Variants in M1AP observed in about 807,000 individuals in gnomAD.
M1AP encodes the protein meiosis 1 associated protein, also known as meiosis 1 arrest protein.
Under a neutral mutation model 51.2 loss-of-function variants are expected in M1AP, and 39 were observed. The ratio of observed to expected loss-of-function variants is 0.76; its 90% CI spans 0.59 to 1.00. The LOEUF is 1.00. M1AP is among the 50% of genes least tolerant of loss of function. The pLI is 0.00. For synonymous variants in M1AP, 251 were observed against 249.2 expected, an observed-to-expected ratio of 1.01 and a Z score of -0.07; for missense variants, 545 against 641.2, an observed-to-expected ratio of 0.85 and a Z score of 1.62.
chr2:74,622,998 G>A (rs568171581), intron 2 of M1AP, among the ~76,000 whole-genome samples: 1 of 148,218 alleles, frequency 6.7e-6, no homozygotes, highest in Non-Finnish European at 1.5e-5. Flanking sequence ...GTAAATGGGA[G>A]AAGCAAGCAA....
rs1212577515 is a variant in M1AP at position 74,615,126 on chromosome 2, C to T, written c.264G>A (p.Arg88=). 3 of 1,614,120 alleles carry T rather than the reference C, an allele frequency of 1.9e-6. No individual in the cohort carries two copies. The highest frequency in any genetic ancestry group is 1.3e-5 in the African/African-American group (1 of 75,046). ...GGAGTTCTGAGATGCAGGTCTGCAA[C>T]CTAGCAAAGTTCCCTTTCACTTGCT... ...PFVQVKGNFA[R]LQTCISELRM... is the part of the protein sequence containing the mutation. Residue 88 remains arginine, a synonymous_variant, in exon 3 of 11, where the codon AGG becomes AGA. Coordinates refer to ENST00000421985, the MANE Select transcript of M1AP (RefSeq NM_001321739.2).
intron 2 of M1AP, among the ~76,000 whole-genome samples, chr2:74,625,239 C>A (rs891921855): frequency 1.3e-5 from 2 of 152,028 alleles, no homozygotes; most frequent in Non-Finnish European, 2.9e-5. Flanking sequence ...CTGTGTATAT[C>A]CATCCTCATT....
intron 2 of M1AP, among the ~76,000 whole-genome samples, chr2:74,626,168 C>A (rs1384483493): frequency 6.6e-6 from 1 of 151,890 alleles, no homozygotes; most frequent in Non-Finnish European, 1.5e-5. Context: ...TCCTTAGGAT[C>A]TCTCCCTTAG....
chr2:74,563,370 G>A (rs1298193768), intron 7 of M1AP, among the ~76,000 whole-genome samples: 4 of 152,018 alleles, frequency 2.6e-5, no homozygotes, highest in Admixed American at 1.3e-4. Context: ...AGGCTGAGGC[G>A]GGTGGATCAC....
At chr2:74,635,349 T>C (rs1682924428) in intron 2 of M1AP, among the ~76,000 whole-genome samples, 1 of 152,128 alleles carries the variant, frequency 6.6e-6, no homozygotes, top group African/African-American at 2.4e-5. Context: ...ATTCCTGATA[T>C]TGGTAATCTG....
chr2:74,627,791 G>T (rs1210270425), intron 2 of M1AP, among the ~76,000 whole-genome samples: 1 of 152,076 alleles, frequency 6.6e-6, no homozygotes, highest in Non-Finnish European at 1.5e-5. Flanking sequence ...TCACTTGCTT[G>T]CATTTGTCTA....
intron 7 of M1AP, among the ~76,000 whole-genome samples, chr2:74,570,298 C>T (rs535324802): frequency 2.6e-5 from 4 of 152,114 alleles, no homozygotes; most frequent in African/African-American, 9.6e-5. Flanking sequence ...TATTTTACTA[C>T]AACATATTAG....
intron 2 of M1AP, among the ~76,000 whole-genome samples, chr2:74,626,215 G>A (rs1373339011): frequency 1.3e-5 from 2 of 151,272 alleles, no homozygotes; most frequent in East Asian, 3.9e-4. Context: ...ATATCTTATA[G>A]GTAATCTATT....
At chr2:74,565,147 C>A (rs1401252708) in intron 7 of M1AP, among the ~76,000 whole-genome samples, 1 of 151,184 alleles carries the variant, frequency 6.6e-6, no homozygotes, top group Non-Finnish European at 1.5e-5. Flanking sequence ...CACTTGAACC[C>A]GGGAGGTGGA....
intron 5 of M1AP, 194 bp from the exon 6 acceptor site, chr2:74,576,812 T>C: frequency 1.5e-6 from 2 of 1,295,238 alleles, no homozygotes; most frequent in Admixed American, 2.9e-5. Flanking sequence ...GGAGAACAGG[T>C]CTGGAAGCTA....
intron 1 of M1AP, among the ~76,000 whole-genome samples, chr2:74,645,764 G>A (rs990281929): frequency 3.9e-5 from 6 of 152,176 alleles, no homozygotes; most frequent in Admixed American, 2.0e-4. Flanking sequence ...CTGCTCCACA[G>A]TTGCAGTACC....
intron 2 of M1AP, chr2:74,628,683 AT>A: frequency 2.9e-6 from 2 of 692,962 alleles, no homozygotes; most frequent in South Asian, 1.3e-5. Context: ...TAGGCCAACC[AT>A]TAGTCTACCT....
chr2:74,639,371 T>C (rs935902133), intron 2 of M1AP, among the ~76,000 whole-genome samples: 3 of 152,256 alleles, frequency 2.0e-5, no homozygotes, highest in South Asian at 2.1e-4. Flanking sequence ...AGGAGATGCA[T>C]AGAACCTCTG....
At chr2:74,580,514 G>C (rs1418311222) in intron 5 of M1AP, among the ~76,000 whole-genome samples, 1 of 152,170 alleles carries the variant, frequency 6.6e-6, no homozygotes, top group Non-Finnish European at 1.5e-5. Flanking sequence ...GAAGAGACTT[G>C]ACGGCCATCC....
At chr2:74,624,227 T>C (rs1052980697) in intron 2 of M1AP, among the ~76,000 whole-genome samples, 1 of 152,192 alleles carries the variant, frequency 6.6e-6, no homozygotes, top group Admixed American at 6.5e-5. Context: ...CACATTCTAG[T>C]TGGTTATCAG....
intron 8 of M1AP, 197 bp downstream of exon 8, chr2:74,562,020 C>A (rs1475557416): frequency 1.0e-6 from 1 of 985,304 alleles, no homozygotes; most frequent in Non-Finnish European, 1.2e-6. Flanking sequence ...TATTTCACTC[C>A]TTACCCTGCT....
intron 4 of M1AP, among the ~76,000 whole-genome samples, chr2:74,596,699 T>C (rs1261524368): frequency 2.6e-5 from 4 of 152,194 alleles, no homozygotes; most frequent in Admixed American, 1.3e-4. Flanking sequence ...TTCTTCACAA[T>C]AGTCAAAAAC....
intron 2 of M1AP, among the ~76,000 whole-genome samples, chr2:74,631,996 T>C (rs1356230864): frequency 6.6e-6 from 1 of 152,242 alleles, no homozygotes; most frequent in Admixed American, 6.5e-5. Context: ...GTCATGTTTT[T>C]CCGTAAGCAA....
In M1AP at chr2:74,623,503, T is replaced by TA. The variant is rs1167122572; in HGVS notation, c.241-8355dup. Among the ~76,000 whole-genome samples, 966 of 117,656 alleles carry TA rather than the reference T, an allele frequency of 8.2e-3. 2 individuals are homozygous for TA. Among genetic ancestry groups the TA allele is most frequent in the African/African-American group, 0.01 (320 of 31,732 alleles). The allele number at this position is 117,656 out of a possible 152,430, so 77.2% of individuals were successfully genotyped here. Reference sequence around the variant, plus strand: ...GAGTAACAGAGCCAGACTCTGTCTATAAAAAAAAAAAAAAAGAGAGAGAGA... The same window carrying TA: ...GAGTAACAGAGCCAGACTCTGTCTATAAAAAAAAAAAAAAAAGAGAGAGAGA... On this transcript the variant is annotated intron_variant, in intron 2 of 10. Transcript: ENST00000421985.
Sources: gnomAD v4.1 joint callset for allele counts (sites outside exome capture counted in the v4.1 genomes callset) on GRCh38, gnomAD v4.1.1 for gene constraint, MANE v1.5 for transcripts, NCBI Gene and HGNC (gene_info 2026-07-23, HGNC 2026-07-21) for gene names.